CSMD3: variants seen among roughly 807,000 people sequenced by gnomAD.
CSMD3 encodes the protein CUB and Sushi multiple domains 3.
Under a neutral mutation model 435.2 loss-of-function variants are expected in CSMD3, and 177 were observed. That is an observed-to-expected ratio of 0.41 (90% CI 0.36 to 0.46). CSMD3 has a LOEUF of 0.46. Among genes scored for constraint, CSMD3 ranks in the 20% least tolerant of loss-of-function variants. CSMD3 has a pLI of 0.34. For missense variants in CSMD3, 4,265 were observed against 4,504.6 expected (o/e 0.95, Z 1.52); for synonymous variants, 1,656 against 1,520.5 (o/e 1.09, Z -2.07).
At chr8:113,130,622 G>T (rs2091260691) in intron 4 of CSMD3, among the ~76,000 whole-genome samples, 2 of 152,188 alleles carry the variant, frequency 1.3e-5, no homozygotes, top group African/African-American at 4.8e-5. Context: ...GCAGTGAAAA[G>T]ATAGACTAAT....
At chr8:113,096,520 C>G (rs747965854) in intron 5 of CSMD3, among the ~76,000 whole-genome samples, 15 of 152,018 alleles carry the variant, frequency 9.9e-5, no homozygotes, top group African/African-American at 1.4e-4. Context: ...TTAGCTTTCC[C>G]TCCTATAGTT....
At position 113,268,204 on chromosome 8, in the gene CSMD3, G is replaced by A. The variant is rs554409115; in HGVS notation, c.514+10388C>T. Among the ~76,000 whole-genome samples the A allele has an allele frequency of 7.3e-4, 111 of 151,896 alleles. 1 individual carries two copies. Among genetic ancestry groups the A allele is most frequent in the Non-Finnish European group, 7.8e-4 (53 of 67,806 alleles). On this transcript the variant is annotated intron_variant, in intron 3 of 70. Transcript: ENST00000297405. ...ATGCATTTAGAATATTGTTTGGCAG[G>A]TCTAGAAAGACTTAAGAGCACTCCC...
chr8:112,837,582 T>G (rs1190514874), intron 11 of CSMD3, among the ~76,000 whole-genome samples: 1 of 151,824 alleles, frequency 6.6e-6, no homozygotes, highest in African/African-American at 2.4e-5. Flanking sequence ...ATAGGATGCT[T>G]GATATATAGT....
chr8:113,195,988 G>C (rs144180073), intron 3 of CSMD3, among the ~76,000 whole-genome samples: 1 of 150,432 alleles, frequency 6.6e-6, no homozygotes, highest in East Asian at 2.0e-4. Context: ...TATGAGGAAA[G>C]GTGTCATCCT....
At chr8:112,497,009 T>G (rs1821419236) in intron 30 of CSMD3, among the ~76,000 whole-genome samples, 1 of 152,310 alleles carries the variant, frequency 6.6e-6, no homozygotes, top group South Asian at 2.1e-4. Flanking sequence ...AAACCCCGTT[T>G]ACCCTCGTGT....
In CSMD3 at chr8:113,397,377, G is replaced by T. The variant is rs546192852; in HGVS notation, c.178+39300C>A. Among the ~76,000 whole-genome samples the T allele has an allele frequency of 2.7e-3, 403 of 151,976 alleles. 1 individual carries two copies. Among genetic ancestry groups the T allele is most frequent in the Non-Finnish European group, 3.5e-3 (240 of 67,940 alleles). Reference sequence around the variant, plus strand: ...CTGTTGGTATTTGTCTAATGTTTTTGTCTTAATCTTATTAATTTATAGGAA... The same window carrying T: ...CTGTTGGTATTTGTCTAATGTTTTTTTCTTAATCTTATTAATTTATAGGAA... On this transcript the variant is annotated intron_variant, in intron 1 of 70. Transcript: ENST00000297405.
chr8:112,309,705 C>T (rs1445666317), intron 50 of CSMD3, among the ~76,000 whole-genome samples: 3 of 152,030 alleles, frequency 2.0e-5, no homozygotes, highest in Non-Finnish European at 4.4e-5. Context: ...TGTTTCCTTG[C>T]ATCAATACAA....
intron 32 of CSMD3, among the ~76,000 whole-genome samples, chr8:112,456,019 A>C (rs924155042): frequency 8.0e-6 from 1 of 125,294 alleles, no homozygotes; most frequent in South Asian, 2.5e-4. Flanking sequence ...CTAGCCCTAT[A>C]CTCTGACCAC....
At chr8:112,876,464 T>C (rs2081284575) in intron 10 of CSMD3, among the ~76,000 whole-genome samples, 1 of 152,122 alleles carries the variant, frequency 6.6e-6, no homozygotes, top group Admixed American at 6.6e-5. Flanking sequence ...CCAGCAGCGT[T>C]ATCAAAAAGC....
At chr8:112,620,293 C>T (rs896876870) in intron 22 of CSMD3, among the ~76,000 whole-genome samples, 9 of 151,926 alleles carry the variant, frequency 5.9e-5, no homozygotes, top group African/African-American at 2.2e-4. Flanking sequence ...CAGTAGGAAC[C>T]GTATGTTAAA....
At chr8:112,669,039 C>CTT (rs1019697479) in intron 16 of CSMD3, among the ~76,000 whole-genome samples, 2 of 148,210 alleles carry the variant, frequency 1.3e-5, no homozygotes, top group African/African-American at 4.9e-5. Context: ...TGTATTTATT[C>CTT]TTTTTTTTTT....
chr8:112,874,106 G>T (rs1030867691), intron 10 of CSMD3, among the ~76,000 whole-genome samples: 10 of 152,002 alleles, frequency 6.6e-5, no homozygotes, highest in African/African-American at 2.4e-4. Context: ...CTGGTATGTT[G>T]TGTCTTTGTT....
chr8:112,348,760 C>A (rs921152564), intron 40 of CSMD3, among the ~76,000 whole-genome samples: 1 of 151,844 alleles, frequency 6.6e-6, no homozygotes, highest in Non-Finnish European at 1.5e-5. Context: ...TATAATAAAA[C>A]AATTTTTCTA....
At chr8:112,586,473 A>T (rs1172438932) in intron 23 of CSMD3, among the ~76,000 whole-genome samples, 1 of 151,524 alleles carries the variant, frequency 6.6e-6, no homozygotes, top group East Asian at 1.9e-4. Context: ...AGAAAAGTAG[A>T]TATTTGATTA....
intron 45 of CSMD3, among the ~76,000 whole-genome samples, chr8:112,331,662 T>G (rs747731087): frequency 2.6e-5 from 4 of 152,084 alleles, no homozygotes; most frequent in Non-Finnish European, 4.4e-5. Context: ...AATATTGAAC[T>G]GTCAACCTTA....
At chr8:113,033,161 C>T (rs893205198) in intron 5 of CSMD3, among the ~76,000 whole-genome samples, 1 of 151,650 alleles carries the variant, frequency 6.6e-6, no homozygotes, top group Non-Finnish European at 1.5e-5. Context: ...GGAGCTCTCA[C>T]ACAGAGTCCT....
chr8:113,033,354 G>A (rs2087201436), intron 5 of CSMD3, among the ~76,000 whole-genome samples: 1 of 151,638 alleles, frequency 6.6e-6, no homozygotes, highest in Admixed American at 6.6e-5. Context: ...CCAAGACCTG[G>A]GAGCCCACCC....
intron 31 of CSMD3, among the ~76,000 whole-genome samples, chr8:112,480,147 G>T (rs1819495717): frequency 6.6e-6 from 1 of 152,198 alleles, no homozygotes; most frequent in Non-Finnish European, 1.5e-5. Context: ...TTTAATGATT[G>T]CTCTGTTGGG....
At chr8:112,632,687 C>T (rs374069391) in intron 22 of CSMD3, among the ~76,000 whole-genome samples, 2 of 151,854 alleles carry the variant, frequency 1.3e-5, no homozygotes, top group Non-Finnish European at 2.9e-5. Context: ...AAGATAGCAA[C>T]GTAAATGACA....
Sources: allele counts gnomAD v4.1 joint callset (sites outside exome capture counted in the v4.1 genomes callset), GRCh38; gene constraint gnomAD v4.1.1; transcripts MANE v1.5; gene names NCBI Gene and HGNC (gene_info 2026-07-23, HGNC 2026-07-21).